SP100: variants seen among roughly 807,000 people sequenced by gnomAD.
SP100 encodes the protein nuclear autoantigen Sp-100.
Under a neutral mutation model 130.0 loss-of-function variants are expected in SP100, and 84 were observed. The ratio of observed to expected loss-of-function variants is 0.65; its 90% confidence interval spans 0.54 to 0.77. The LOEUF (loss-of-function observed/expected upper bound fraction) is 0.77, where lower values mean the gene tolerates loss of function less well. SP100 is among the 30% of genes least tolerant of loss of function. SP100 has a pLI of 0.00. For missense variants in SP100, 978 were observed against 1,052.2 expected (o/e 0.93, Z 0.97); for synonymous variants, 331 against 351.7 (o/e 0.94, Z 0.66).
rs752278612 is a variant in SP100, at chr2:230,462,465, C to A, written c.1004C>A (p.Thr335Asn). Residue 335 changes from threonine to asparagine, a missense_variant, in exon 10 of 29, where the codon ACT (threonine) becomes AAT (asparagine). Physicochemically the swap from Thr to Asn is moderately conservative, Grantham distance 65. Coordinates refer to ENST00000340126, the MANE Select transcript of SP100 (RefSeq NM_001080391.2). ...VISSEDSEGS[T>N]DVDEPLEVFI... is the part of the protein sequence containing the mutation. ...AGCAGTGAGGACTCTGAAGGATCCA[C>A]TGACGTTGATGAGCCCTTAGAAGTC... 4 of 1,613,966 alleles carry A rather than the reference C, an allele frequency of 2.5e-6. No individual in the cohort carries two copies. In the Admixed American group the frequency reaches 6.7e-5, roughly 27 times the overall value.
chr2:230,529,262 G>C (rs892453660), intron 24 of SP100, among the ~76,000 whole-genome samples: 1 of 152,146 alleles, frequency 6.6e-6, no homozygotes, highest in Admixed American at 6.5e-5. Flanking sequence ...GGGATTCAAG[G>C]CTGGTTCAAC....
chr2:230,425,118 C>T (rs948540839), intron 2 of SP100, among the ~76,000 whole-genome samples: 1 of 152,060 alleles, frequency 6.6e-6, no homozygotes, highest in African/African-American at 2.4e-5. Context: ...TTAACATATC[C>T]ATCATGTCAC....
chr2:230,477,752 G>A (rs187787887), intron 17 of SP100, among the ~76,000 whole-genome samples: 2 of 152,202 alleles, frequency 1.3e-5, no homozygotes, highest in East Asian at 3.9e-4. Flanking sequence ...TCCTTCCCAA[G>A]TCCATTGAAA....
In SP100 at chr2:230,542,983, T is replaced by C; in HGVS notation, c.*37T>C. On this transcript the variant is annotated 3_prime_UTR_variant, in exon 29 of 29. Coordinates refer to ENST00000340126, the MANE Select transcript of SP100 (RefSeq NM_001080391.2). ...TCCTCCCTTCAGATCCTCTGGCAGC[T>C]AGCTACGCAATGTGCCTGTGGTCCC... The C allele has an allele frequency of 8.3e-7, 1 of 1,202,688 alleles. No homozygotes were observed. The highest frequency in any genetic ancestry group is 1.2e-6 in the Non-Finnish European group (1 of 810,502). The allele number at this position is 1,202,688 out of a possible 1,614,324, so 74.5% of individuals were successfully genotyped here. A position where few individuals can be genotyped will look rare whatever the true frequency, so the allele number is the denominator to read the frequency against.
intron 18 of SP100, among the ~76,000 whole-genome samples, chr2:230,495,002 C>G (rs532221345): frequency 1.3e-5 from 2 of 152,278 alleles, no homozygotes; most frequent in Admixed American, 1.3e-4. Flanking sequence ...ATGTTTGCCT[C>G]CAAAGTCACT....
intron 24 of SP100, among the ~76,000 whole-genome samples, chr2:230,512,566 G>A (rs1021518266): frequency 1.3e-5 from 2 of 152,052 alleles, no homozygotes; most frequent in Admixed American, 1.3e-4. Context: ...GGGATTACAG[G>A]CATGAGCCAC....
chr2:230,448,407 C>G (rs1315589560), intron 5 of SP100, among the ~76,000 whole-genome samples: 1 of 152,076 alleles, frequency 6.6e-6, no homozygotes, highest in East Asian at 1.9e-4. Flanking sequence ...ACTTATATGC[C>G]TATTTTGCAG....
chr2:230,539,727 G>C (rs1164029684), intron 25 of SP100, among the ~76,000 whole-genome samples: 1 of 152,128 alleles, frequency 6.6e-6, no homozygotes, highest in Non-Finnish European at 1.5e-5. Context: ...CCTGCTGTGG[G>C]ACCATCACAC....
intron 25 of SP100, 113 bp from the exon 26 acceptor site, chr2:230,540,763 T>G: frequency 7.3e-7 from 1 of 1,368,330 alleles, no homozygotes; most frequent in Non-Finnish European, 9.9e-7. Flanking sequence ...AGAGAGAAGT[T>G]GGATACAAGG....
intron 14 of SP100, chr2:230,469,446 A>C (rs540699400): frequency 2.1e-6 from 1 of 476,362 alleles, no homozygotes; most frequent in East Asian, 6.3e-5. Flanking sequence ...CTGAGATGGA[A>C]GCAGAAGTAT....
chr2:230,504,483 A>C (rs549945736), intron 21 of SP100, among the ~76,000 whole-genome samples, 193 bp downstream of exon 21: 1 of 152,208 alleles, frequency 6.6e-6, no homozygotes. Context: ...CATGCAAAAC[A>C]TACCATAGGG....
rs1381596179 is a variant in SP100, at chr2:230,469,819, C to T, written c.1346-196C>T. ...AAGAAGAAACAATGTCATCCCCAGCCCCAGCCTCAGAGAGGGCTCCTGGAG... is the reference window on the plus strand; with the variant it reads ...AAGAAGAAACAATGTCATCCCCAGCTCCAGCCTCAGAGAGGGCTCCTGGAG... On this transcript the variant is annotated intron_variant, in intron 14 of 28. Coordinates refer to ENST00000340126, the MANE Select transcript of SP100 (RefSeq NM_001080391.2). 3.4e-6 allele frequency: 5 copies of T among 1,492,132 alleles called. No homozygotes were observed. In the African/African-American group the frequency reaches 4.2e-5, roughly 13 times the overall value. The allele number at this position is 1,492,132 out of a possible 1,614,324, so 92.4% of individuals were successfully genotyped here.
At chr2:230,522,121 TC>T (rs2150097398) in intron 24 of SP100, among the ~76,000 whole-genome samples, 1 of 152,232 alleles carries the variant, frequency 6.6e-6, no homozygotes, top group South Asian at 2.1e-4. Context: ...TTTGGGAAAT[TC>T]CAAAGGAATT....
At position 230,464,519 on chromosome 2, in the gene SP100, A is replaced by G. The variant is rs184967400; in HGVS notation, c.1141+369A>G. Among the ~76,000 whole-genome samples, 312 of 152,332 alleles carry G rather than the reference A, an allele frequency of 2.0e-3. 2 individuals carry two copies. Among genetic ancestry groups the G allele is most frequent in the Non-Finnish European group, 3.0e-3 (202 of 68,008 alleles). On this transcript the variant is annotated intron_variant, in intron 11 of 28. Coordinates refer to ENST00000340126, the MANE Select transcript of SP100 (RefSeq NM_001080391.2). The stretch of plus-strand genomic sequence containing the variant: ...ATATTTGATAGAGCATGATAAGCAC[A>G]GTCTTCCTTTGTTCATTGATAATTA...
At chr2:230,461,872 C>G (rs532492532) in intron 9 of SP100, among the ~76,000 whole-genome samples, 2 of 151,802 alleles carry the variant, frequency 1.3e-5, no homozygotes, top group Admixed American at 1.3e-4. Flanking sequence ...TCGTTTGAGC[C>G]TGGGATGCGG....
At chr2:230,541,557 G>T (rs905301227) in intron 27 of SP100, among the ~76,000 whole-genome samples, 185 bp downstream of exon 27, 2 of 152,192 alleles carry the variant, frequency 1.3e-5, no homozygotes, top group African/African-American at 4.8e-5. Flanking sequence ...CCCGGAGGCT[G>T]CATGTCCAAG....
chr2:230,503,168 G>C (rs1028743567), intron 20 of SP100, 58 bp downstream of exon 20: 8 of 1,246,688 alleles, frequency 6.4e-6, no homozygotes, highest in Admixed American at 6.0e-5. Flanking sequence ...TTAATATTCT[G>C]TACTGTGAGT....
At chr2:230,463,069 G>A (rs1036127657) in intron 10 of SP100, among the ~76,000 whole-genome samples, 2 of 152,154 alleles carry the variant, frequency 1.3e-5, no homozygotes, top group African/African-American at 4.8e-5. Flanking sequence ...GTGATTTTTT[G>A]AAAGACTTTT....
rs13419664 is a variant in SP100 at position 230,468,464 on chromosome 2, T to G, written c.1292-579T>G. On this transcript the variant is annotated intron_variant, in intron 13 of 28. Transcript: ENST00000340126. ...CATGGCAACTCAAGTCCAGATTCAC[T>G]GCCAAATTAGTTAGCTGCAAACCTA... Among the ~76,000 whole-genome samples the G allele has an allele frequency of 8.2e-3, 1,254 of 152,150 alleles. 21 individuals are homozygous for G. Among genetic ancestry groups the G allele is most frequent in the African/African-American group, 0.029 (1,203 of 41,478 alleles).
Sources: allele counts gnomAD v4.1 joint callset (sites outside exome capture counted in the v4.1 genomes callset), GRCh38; gene constraint gnomAD v4.1.1; transcripts MANE v1.5; gene names NCBI Gene and HGNC (gene_info 2026-07-23, HGNC 2026-07-21).